SOX13: variants seen among roughly 807,000 people sequenced by gnomAD.
SOX13 encodes SRY-box transcription factor 13, also known as transcription factor SOX-13.
A neutral mutation model predicts 71.8 loss-of-function variants in SOX13; 28 were observed. The ratio of observed to expected loss-of-function variants is 0.39; its 90% CI spans 0.29 to 0.53. SOX13 has a LOEUF of 0.53. SOX13 is among the 20% of genes least tolerant of loss of function. The pLI is 0.70. For synonymous variants in SOX13, 309 were observed against 317.8 expected, an observed-to-expected ratio of 0.97 and a Z score of 0.29; for missense variants, 627 against 810.3, an observed-to-expected ratio of 0.77 and a Z score of 2.75.
At chr1:204,090,881 A>G (rs546911480) in intron 1 of SOX13, among the ~76,000 whole-genome samples, 69 of 152,220 alleles carry the variant, frequency 4.5e-4, no homozygotes, top group Non-Finnish European at 8.2e-4. Context: ...CCGGTGACTT[A>G]CAGAGGCTGA....
chr1:204,098,873 G>C (rs1331541483), intron 1 of SOX13, among the ~76,000 whole-genome samples: 3 of 152,242 alleles, frequency 2.0e-5, no homozygotes, highest in Admixed American at 6.5e-5. Context: ...GCGCAGGCAG[G>C]CTCCATTGAG....
At position 204,124,667 on chromosome 1, in the gene SOX13, C is replaced by T; in HGVS notation, c.1402C>T (p.Gln468Ter). 1 of 1,612,878 alleles carries T rather than the reference C, an allele frequency of 6.2e-7. No individual in the cohort carries two copies. The highest frequency in any genetic ancestry group is 8.5e-7 in the Non-Finnish European group (1 of 1,179,548). The change falls in exon 13 of 14, where the codon CAG becomes TAG. Residue 468 changes from glutamine (Q) to a stop codon, truncating the protein, a stop_gained. Coordinates refer to ENST00000367204, the MANE Select transcript of SOX13 (RefSeq NM_005686.3). LOFTEE classifies it high-confidence loss of function. ...LGSRWKSMTN[Q>*]EKQPYYEEQA... Reference sequence around the variant, plus strand: ...ATCTCGCTGGAAGTCCATGACCAACCAGGAGAAGCAGCCCTACTATGAGGA... The same window carrying T: ...ATCTCGCTGGAAGTCCATGACCAACTAGGAGAAGCAGCCCTACTATGAGGA...
chr1:204,089,833 C>T (rs2102230633), intron 1 of SOX13, among the ~76,000 whole-genome samples: 1 of 152,360 alleles, frequency 6.6e-6, no homozygotes, highest in South Asian at 2.1e-4. Context: ...CTCTATCCAC[C>T]TGTCACGTAA....
chr1:204,116,572 C>T lies in SOX13; in HGVS notation c.484C>T (p.Leu162=). The change falls in exon 5 of 14, where the codon CTG becomes TTG. Residue 162 remains leucine (L), a synonymous_variant. Transcript: ENST00000367204. ...GGTCATGATTCACCAGCTGTCCACC[C>T]TGCGGGACCAGCTCCTGACAGCCCA... ...LLVMIHQLST[L]RDQLLTAHSE... is the part of the protein sequence containing the mutation. 6.2e-7 allele frequency: 1 copy of T among 1,614,030 alleles called. No homozygotes were observed. Among genetic ancestry groups the T allele is most frequent in the Non-Finnish European group, 8.5e-7 (1 of 1,179,902 alleles).
intron 1 of SOX13, among the ~76,000 whole-genome samples, chr1:204,078,573 G>A (rs1214511264): frequency 7.9e-5 from 12 of 152,210 alleles, no homozygotes; most frequent in Non-Finnish European, 1.2e-4. Context: ...GCCTGAACTC[G>A]TTGCGGTCCT....
intron 1 of SOX13, among the ~76,000 whole-genome samples, chr1:204,101,987 A>G (rs1328417830): frequency 6.6e-6 from 1 of 152,050 alleles, no homozygotes; most frequent in Non-Finnish European, 1.5e-5. Flanking sequence ...ATTTGAGCCC[A>G]GGAGTTCAGG....
chr1:204,076,705 C>T (rs577405529), intron 1 of SOX13, among the ~76,000 whole-genome samples: 1 of 152,302 alleles, frequency 6.6e-6, no homozygotes, highest in South Asian at 2.1e-4. Context: ...CAACCTCCAC[C>T]CCAGGCATGG....
In SOX13 at chr1:204,122,105, C is replaced by T. The variant is rs17847486; in HGVS notation, c.861+120C>T. On this transcript the variant is annotated intron_variant, in intron 8 of 13. Transcript: ENST00000367204. ...CTGGCATCCTGTGTTCTTGTTCACC[C>T]GCTCCTTCTGCGTCCACTTTTCTGT... 63 of 1,042,060 alleles carry T rather than the reference C, an allele frequency of 6.0e-5. 1 individual carries two copies. Among genetic ancestry groups the T allele is most frequent in the East Asian group, 6.0e-4 (23 of 38,408 alleles). The allele number at this position is 1,042,060 out of a possible 1,614,324, so 64.6% of individuals were successfully genotyped here.
At chr1:204,104,989 G>A (rs1037395885) in intron 1 of SOX13, among the ~76,000 whole-genome samples, 3 of 152,194 alleles carry the variant, frequency 2.0e-5, no homozygotes, top group Non-Finnish European at 4.4e-5. Flanking sequence ...GGCTAGGTTT[G>A]TGTGCGCCTG....
chr1:204,100,033 G>T (rs1656330055), intron 1 of SOX13, among the ~76,000 whole-genome samples: 1 of 152,330 alleles, frequency 6.6e-6, no homozygotes, highest in African/African-American at 2.4e-5. Context: ...AGCTACTTGT[G>T]AGGCTGAGGT....
intron 12 of SOX13, among the ~76,000 whole-genome samples, 197 bp downstream of exon 12, chr1:204,124,001 C>T (rs748646782): frequency 5.3e-5 from 8 of 152,164 alleles, no homozygotes; most frequent in Admixed American, 5.2e-4. Context: ...TTCGGTAGCA[C>T]CTGTCCTCAA....
rs116805516 is a variant in SOX13 at position 204,085,168 on chromosome 1, T to C, written c.-2+11457T>C. Among the ~76,000 whole-genome samples the C allele has an allele frequency of 4.9e-3, 747 of 152,274 alleles. 9 individuals carry two copies. Among genetic ancestry groups the C allele is most frequent in the African/African-American group, 0.017 (716 of 41,556 alleles). On this transcript the variant is annotated intron_variant, in intron 1 of 13. Coordinates refer to ENST00000367204, the MANE Select transcript of SOX13 (RefSeq NM_005686.3). ...AGAGCACCTACTGTGTGCCAGCCACTGCACTAGGGACTGGGGAGGACATGG... is the reference window on the plus strand; with the variant it reads ...AGAGCACCTACTGTGTGCCAGCCACCGCACTAGGGACTGGGGAGGACATGG...
chr1:204,122,308 A>T lies in SOX13; in HGVS notation c.933A>T (p.Pro311=). 6.3e-7 allele frequency: 1 copy of T among 1,581,774 alleles called. No homozygotes were observed. The highest frequency in any genetic ancestry group is 8.6e-7 in the Non-Finnish European group (1 of 1,164,162). The change falls in exon 9 of 14, where the codon CCA becomes CCT. Residue 311 remains proline, a synonymous_variant. Coordinates refer to ENST00000367204, the MANE Select transcript of SOX13 (RefSeq NM_005686.3). ...AGCTGCCCAACACCTCCAGCTCCCCAAGCCTGAAGATGAGCAGCTGTGTGC... is the reference window on the plus strand; with the variant it reads ...AGCTGCCCAACACCTCCAGCTCCCCTAGCCTGAAGATGAGCAGCTGTGTGC... ...APELPNTSSS[P]SLKMSSCVPR...
At chr1:204,076,899 G>T (rs561217144) in intron 1 of SOX13, among the ~76,000 whole-genome samples, 1 of 152,236 alleles carries the variant, frequency 6.6e-6, no homozygotes, top group African/African-American at 2.4e-5. Context: ...GACAGGCAGC[G>T]TGCCTGCCTT....
chr1:204,093,644 G>A (rs1656190451), intron 1 of SOX13, among the ~76,000 whole-genome samples: 1 of 152,168 alleles, frequency 6.6e-6, no homozygotes, highest in African/African-American at 2.4e-5. Context: ...ATTGGGATTT[G>A]GAGTGTCTGT....
At chr1:204,083,601 T>C (rs1009878852) in intron 1 of SOX13, among the ~76,000 whole-genome samples, 2 of 152,192 alleles carry the variant, frequency 1.3e-5, no homozygotes, top group African/African-American at 2.4e-5. Context: ...CAGAAGCACA[T>C]TGGCCTTTTA....
chr1:204,096,239 G>GTTGTTT (rs1656248600), intron 1 of SOX13, among the ~76,000 whole-genome samples: 1 of 85,360 alleles, frequency 1.2e-5, no homozygotes, highest in African/African-American at 4.8e-5. Context: ...TCTTTCTTTC[G>GTTGTTT]TTTTTTTTTT....
chr1:204,122,174 C>G (rs998000946), intron 8 of SOX13, 63 bp from the exon 9 acceptor site: 1 of 1,385,702 alleles, frequency 7.2e-7, no homozygotes. Context: ...CACTTCCTCT[C>G]TGTCCTGCTG....
intron 4 of SOX13, among the ~76,000 whole-genome samples, chr1:204,115,816 G>A (rs139747321): frequency 4.0e-5 from 6 of 151,584 alleles, no homozygotes; most frequent in African/African-American, 7.3e-5. Context: ...ACAGGTATGC[G>A]CCACCATACC....
Sources: gnomAD v4.1 joint callset for allele counts (sites outside exome capture counted in the v4.1 genomes callset) on GRCh38, gnomAD v4.1.1 for gene constraint, MANE v1.5 for transcripts, NCBI Gene and HGNC (gene_info 2026-07-23, HGNC 2026-07-21) for gene names.